The following CNOT6L variants were observed in gnomAD, a reference collection of about 807,000 sequenced individuals.
The protein encoded by CNOT6L is CCR4-NOT transcription complex subunit 6-like.
A neutral mutation model predicts 64.0 loss-of-function variants in CNOT6L; 7 were observed. The ratio of observed to expected loss-of-function variants is 0.11; its 90% CI spans 0.06 to 0.21. CNOT6L has a LOEUF of 0.21. Among genes scored for constraint, CNOT6L ranks in the 10% least tolerant of loss-of-function variants. The probability of loss-of-function intolerance (pLI) is 1.00; values close to 1 mark genes in which losing one functional copy is unlikely to be tolerated. For missense variants in CNOT6L, 245 were observed against 669.0 expected (o/e 0.37, Z 6.99); for synonymous variants, 193 against 243.4 (o/e 0.79, Z 1.93).
chr4:77,763,915 A>AT (rs1726518631), intron 4 of CNOT6L, among the ~76,000 whole-genome samples: 1 of 152,250 alleles, frequency 6.6e-6, no homozygotes, highest in South Asian at 2.1e-4. Flanking sequence ...CCATATTAAA[A>AT]ATACTTAGAC....
chr4:77,766,419 C>CTG (rs1726824650), intron 4 of CNOT6L, among the ~76,000 whole-genome samples: 2 of 151,948 alleles, frequency 1.3e-5, no homozygotes, highest in African/African-American at 4.8e-5. Context: ...CTATTAGAAG[C>CTG]AGTCCCTTTA....
At chr4:77,793,162 T>C (rs1213095098) in intron 1 of CNOT6L, among the ~76,000 whole-genome samples, 3 of 151,990 alleles carry the variant, frequency 2.0e-5, no homozygotes, top group Non-Finnish European at 4.4e-5. Context: ...AAGAAATCAT[T>C]GTCAGAGAGA....
In CNOT6L at chr4:77,715,558, T is replaced by G. The variant is rs1227314994; in HGVS notation, c.*4873A>C. 6.6e-6 allele frequency: 1 copy of G among 152,156 alleles called. No individual in the cohort carries two copies. Among genetic ancestry groups the G allele is most frequent in the African/African-American group, 2.4e-5 (1 of 41,458 alleles). 9.4% of individuals were successfully genotyped at this position (152,156 alleles called of 1,614,324 possible). On this transcript the variant is annotated 3_prime_UTR_variant, in exon 12 of 12. Coordinates refer to ENST00000504123, the MANE Select transcript of CNOT6L (RefSeq NM_144571.3). ...AAGGAACTGCCAACTGGGTTAAAGC[T>G]TGGTATTTTCCTGGTTATCACCCTA... is the stretch of plus-strand genomic sequence containing the variant.
chr4:77,801,278 GT>G (rs1731517480), intron 1 of CNOT6L, among the ~76,000 whole-genome samples: 1 of 152,040 alleles, frequency 6.6e-6, no homozygotes, highest in South Asian at 2.1e-4. Flanking sequence ...CAATTCCTAG[GT>G]TTTCCTGGCA....
intron 1 of CNOT6L, among the ~76,000 whole-genome samples, chr4:77,800,951 T>C (rs891641543): frequency 6.6e-6 from 1 of 152,240 alleles, no homozygotes; most frequent in Non-Finnish European, 1.5e-5. Context: ...CCCTTAACTT[T>C]TTGGCATGAA....
Position 77,715,244 on chromosome 4 carries a change from AAG to A in CNOT6L, c.*5185_*5186del, listed in dbSNP as rs1296010191. ...ATGGACCATGCTACCACCATGCCAA[AAG>A]AGTCATATCACTTGGCATTTGTATA... On this transcript the variant is annotated 3_prime_UTR_variant, in exon 12 of 12. Transcript: ENST00000504123. 2 of 152,250 alleles carry A rather than the reference AAG, an allele frequency of 1.3e-5. No homozygotes were observed. The highest frequency in any genetic ancestry group is 2.1e-4 in the South Asian group (1 of 4,826). 9.4% of individuals were successfully genotyped at this position (152,250 alleles called of 1,614,324 possible). A position where few individuals can be genotyped will look rare whatever the true frequency, so the allele number is the denominator to read the frequency against.
chr4:77,818,576 T>C (rs1733832691), intron 1 of CNOT6L, among the ~76,000 whole-genome samples: 1 of 152,224 alleles, frequency 6.6e-6, no homozygotes, highest in Non-Finnish European at 1.5e-5. Flanking sequence ...TTCCCAAGAC[T>C]GACTGTTCTG....
chr4:77,776,343 T>G lies in CNOT6L; in HGVS notation c.55A>C (p.Ile19Leu). The change falls in exon 2 of 12, where the codon ATT (isoleucine) becomes CTT (leucine). Residue 19 changes from isoleucine to leucine, a missense_variant. Around this residue, in one of 10 missense-constraint regions of CNOT6L, gnomAD observed 78 missense variants for 137.6 expected, o/e 0.57. Transcript: ENST00000504123. ...TCCTCTGCTGACATGATGGTATAAA[T>G]TCTGCGAGGATCTGGAGGATCATAT... ...EKYDPPDPRR[I>L]YTIMSAEEVA... 1 of 1,611,820 alleles carries G rather than the reference T, an allele frequency of 6.2e-7. No individual in the cohort carries two copies. The highest frequency in any genetic ancestry group is 8.5e-7 in the Non-Finnish European group (1 of 1,178,774).
chr4:77,742,346 T>A, intron 7 of CNOT6L, 51 bp from the exon 8 acceptor site: 2 of 1,494,202 alleles, frequency 1.3e-6, no homozygotes, highest in Non-Finnish European at 1.8e-6. Flanking sequence ...AAATGCTGAT[T>A]AAGATATAAA....
Position 77,748,320 on chromosome 4 carries a change from C to T in CNOT6L, c.555G>A (p.Pro185=), listed in dbSNP as rs369220733. The T allele has an allele frequency of 1.1e-4, 179 of 1,603,278 alleles. 2 individuals are homozygous for T. The Middle Eastern group carries it at 7.8e-3, about 69-fold the overall frequency. ...ITLKERDQIL[P]SASFTVMCYN... is the part of the protein sequence containing the mutation. ...AGAATAAGAAAAACTATTTACCTGA[C>T]GGCAGAATTTGGTCTCGTTCTTTTA... The change falls in exon 6 of 12, where the codon CCG becomes CCA. Residue 185 remains proline, a synonymous_variant. Coordinates refer to ENST00000504123, the MANE Select transcript of CNOT6L (RefSeq NM_144571.3).
At position 77,720,040 on chromosome 4, in the gene CNOT6L, T is replaced by C; in HGVS notation, c.*391A>G. On this transcript the variant is annotated 3_prime_UTR_variant, in exon 12 of 12. Coordinates refer to ENST00000504123, the MANE Select transcript of CNOT6L (RefSeq NM_144571.3). ...CATTCAGTTTAAAATACTGTATTTA[T>C]AGTTTTTAAAAATTGCCTTTTATAA... The C allele has an allele frequency of 5.9e-6, 1 of 168,388 alleles. No homozygotes were observed. Among genetic ancestry groups the C allele is most frequent in the South Asian group, 1.5e-4 (1 of 6,512 alleles). 10.4% of individuals were successfully genotyped at this position (168,388 alleles called of 1,614,324 possible). A position where few individuals can be genotyped will look rare whatever the true frequency, so the allele number is the denominator to read the frequency against.
chr4:77,800,349 T>C (rs569377776), intron 1 of CNOT6L, among the ~76,000 whole-genome samples: 1 of 150,702 alleles, frequency 6.6e-6, no homozygotes, highest in African/African-American at 2.4e-5. Flanking sequence ...CAAAAAAAAT[T>C]TTTTTTTTTA....
At chr4:77,761,325 T>C (rs1233444340) in intron 4 of CNOT6L, among the ~76,000 whole-genome samples, 1 of 152,008 alleles carries the variant, frequency 6.6e-6, no homozygotes, top group African/African-American at 2.4e-5. Context: ...AAAGCTGACA[T>C]GGCTATAGGG....
chr4:77,747,323 C>T (rs572738378), intron 6 of CNOT6L, among the ~76,000 whole-genome samples: 7 of 152,130 alleles, frequency 4.6e-5, no homozygotes, highest in South Asian at 4.2e-4. Flanking sequence ...TGCGCTACCA[C>T]GACCTGGCTA....
intron 1 of CNOT6L, among the ~76,000 whole-genome samples, chr4:77,793,463 T>C (rs1487858608): frequency 6.6e-6 from 1 of 152,192 alleles, no homozygotes; most frequent in Non-Finnish European, 1.5e-5. Context: ...CATAAGCGCA[T>C]TCTGAAATTT....
At chr4:77,794,329 G>C (rs993104597) in intron 1 of CNOT6L, among the ~76,000 whole-genome samples, 1 of 151,844 alleles carries the variant, frequency 6.6e-6, no homozygotes, top group African/African-American at 2.4e-5. Context: ...TGAAACAAGA[G>C]TGCAAGAAAA....
At chr4:77,797,943 T>C (rs1010880626) in intron 1 of CNOT6L, among the ~76,000 whole-genome samples, 1 of 152,204 alleles carries the variant, frequency 6.6e-6, no homozygotes, top group African/African-American at 2.4e-5. Context: ...TTCGCAAGGA[T>C]ATCTTCAACA....
intron 3 of CNOT6L, among the ~76,000 whole-genome samples, chr4:77,774,243 C>T (rs1281144130): frequency 6.6e-6 from 1 of 152,112 alleles, no homozygotes; most frequent in Non-Finnish European, 1.5e-5. Context: ...TTTTCAAGTA[C>T]TTCTAATCAG....
In CNOT6L at chr4:77,818,156, C is replaced by A. The variant is rs1214557344; in HGVS notation, c.5+1148G>T. Among the ~76,000 whole-genome samples the A allele has an allele frequency of 2.0e-5, 3 of 152,160 alleles. No homozygotes were observed. In the East Asian group the frequency reaches 5.8e-4, roughly 29 times the overall value. ...ATTGACAAGATAACTAGAGGCAATACGGTAAAATGTAACACTGTGCTTCCA... is the reference window on the plus strand; with the variant it reads ...ATTGACAAGATAACTAGAGGCAATAAGGTAAAATGTAACACTGTGCTTCCA... On this transcript the variant is annotated intron_variant, in intron 1 of 11. Transcript: ENST00000504123.
Sources: gnomAD v4.1 joint callset for allele counts (sites outside exome capture counted in the v4.1 genomes callset) on GRCh38, gnomAD v4.1.1 for gene constraint, gnomAD v4.1.1 regional missense constraint, MANE v1.5 for transcripts, NCBI Gene and HGNC (gene_info 2026-07-23, HGNC 2026-07-21) for gene names.